The following ZDHHC7 variants were observed in gnomAD, a reference collection of about 807,000 sequenced individuals.
ZDHHC7 encodes palmitoyltransferase ZDHHC7.
In ZDHHC7, 12 loss-of-function variants were observed where a neutral mutation model predicts 34.1. The observed-to-expected ratio is 0.35, with a 90% CI of 0.23 to 0.57. The LOEUF is 0.57. Among genes scored for constraint, ZDHHC7 ranks in the 20% least tolerant of loss-of-function variants. The probability of loss-of-function intolerance (pLI) is 0.84; values close to 1 mark genes in which losing one functional copy is unlikely to be tolerated. For missense variants in ZDHHC7, 388 were observed against 402.7 expected (o/e 0.96, Z 0.31); for synonymous variants, 185 against 155.4 (o/e 1.19, Z -1.42).
At chr16:85,017,373 C>T in the ZDHHC7 span, among the ~76,000 whole-genome samples, 1 of 152,124 alleles carries the variant, frequency 6.6e-6, no homozygotes, top group Non-Finnish European at 1.5e-5. Context: ...GTTGGCCAAA[C>T]GCGGAACAAC....
chr16:84,987,060 G>T (rs1262930738), intron 3 of ZDHHC7, among the ~76,000 whole-genome samples: 2 of 152,218 alleles, frequency 1.3e-5, no homozygotes, highest in Non-Finnish European at 2.9e-5. Context: ...CAGCAGGAAA[G>T]CCAGGACTCA....
At chr16:85,009,155 A>G (rs1213090747) in intron 1 of ZDHHC7, among the ~76,000 whole-genome samples, 1 of 152,102 alleles carries the variant, frequency 6.6e-6, no homozygotes, top group Admixed American at 6.5e-5. Flanking sequence ...AAACTATTCA[A>G]TGTTCATCCC....
chr16:84,997,679 G>A (rs1833813780), intron 1 of ZDHHC7, among the ~76,000 whole-genome samples: 1 of 150,824 alleles, frequency 6.6e-6, no homozygotes, highest in African/African-American at 2.4e-5. Context: ...CGGATCACAA[G>A]GTCAGGAGAT....
chr16:85,027,512 C>T, the ZDHHC7 span, among the ~76,000 whole-genome samples: 27 of 152,344 alleles, frequency 1.8e-4, no homozygotes, highest in African/African-American at 6.0e-4. Context: ...TTGCACCGGG[C>T]CTGCCCCACC....
intron 1 of ZDHHC7, among the ~76,000 whole-genome samples, chr16:85,010,942 C>T (rs1311476986): frequency 2.6e-5 from 4 of 152,240 alleles, no homozygotes; most frequent in Non-Finnish European, 4.4e-5. Context: ...CTCTTTACAG[C>T]TTACACAGGG....
Position 84,977,906 on chromosome 16 carries a change from C to T in ZDHHC7, c.619+18G>A. The T allele has an allele frequency of 6.2e-7, 1 of 1,603,236 alleles. No individual in the cohort carries two copies. The highest frequency in any genetic ancestry group is 8.5e-7 in the Non-Finnish European group (1 of 1,171,848). ...ACAGCATGCAAAGCCAGGAATGACACATAGCCAGGGAACTTACCAGTCCAC... is the reference window on the plus strand; with the variant it reads ...ACAGCATGCAAAGCCAGGAATGACATATAGCCAGGGAACTTACCAGTCCAC... On this transcript the variant is annotated intron_variant, in intron 6 of 7. Transcript: ENST00000313732.
the ZDHHC7 span, among the ~76,000 whole-genome samples, chr16:85,024,952 C>G: frequency 6.6e-6 from 1 of 152,112 alleles, no homozygotes; most frequent in Non-Finnish European, 1.5e-5. Context: ...CAATATAAGC[C>G]TAGAGCTCTT....
intron 5 of ZDHHC7, 46 bp downstream of exon 5, chr16:84,979,143 A>C: frequency 6.4e-7 from 1 of 1,557,328 alleles, no homozygotes; most frequent in Non-Finnish European, 8.7e-7. Flanking sequence ...GCAGTTAAAG[A>C]ATTTCAAATT....
intron 1 of ZDHHC7, among the ~76,000 whole-genome samples, chr16:85,010,932 C>CT (rs1297648002): frequency 6.6e-6 from 1 of 152,238 alleles, no homozygotes; most frequent in Non-Finnish European, 1.5e-5. Context: ...TATTAAAAAA[C>CT]TCTTTACAGC....
At chr16:85,013,431 T>C (rs932090013), upstream of ZDHHC7, among the ~76,000 whole-genome samples, 7 of 152,018 alleles carry the variant, frequency 4.6e-5, no homozygotes, top group East Asian at 1.9e-4. Context: ...TTAGTAAAGA[T>C]AGGGTTTTGC....
chr16:84,997,474 T>C (rs1055689342), intron 1 of ZDHHC7, among the ~76,000 whole-genome samples: 2 of 150,448 alleles, frequency 1.3e-5, no homozygotes, highest in African/African-American at 4.9e-5. Flanking sequence ...GGTTTCACCA[T>C]GTTATCCAGA....
chr16:85,011,974 G>C (rs1471132585), upstream of ZDHHC7, among the ~76,000 whole-genome samples: 3 of 152,178 alleles, frequency 2.0e-5, no homozygotes, highest in Admixed American at 2.0e-4. Context: ...GGGGATTGGA[G>C]GCCTGACTCC....
At chr16:85,025,267 T>A in the ZDHHC7 span, among the ~76,000 whole-genome samples, 17 of 141,512 alleles carry the variant, frequency 1.2e-4, no homozygotes, top group South Asian at 2.0e-3. Flanking sequence ...TGAGATGATT[T>A]AAAAAAAAAA....
chr16:85,026,417 G>C, the ZDHHC7 span, among the ~76,000 whole-genome samples: 27 of 152,224 alleles, frequency 1.8e-4, no homozygotes, highest in African/African-American at 5.5e-4. Flanking sequence ...GACACCCTGA[G>C]TTCCAGCTTC....
At chr16:84,978,077 G>C (rs2072321582) in intron 5 of ZDHHC7, 72 bp from the exon 6 acceptor site, 2 of 1,262,508 alleles carry the variant, frequency 1.6e-6, no homozygotes, top group South Asian at 2.6e-5. Context: ...TCCCTCTGTT[G>C]TCCAGGCTGG....
chr16:85,013,521 G>A (rs537800361), upstream of ZDHHC7, among the ~76,000 whole-genome samples: 1 of 152,150 alleles, frequency 6.6e-6, no homozygotes, highest in South Asian at 2.1e-4. Flanking sequence ...GGGATTGTAG[G>A]CATGAGCCAC....
intron 3 of ZDHHC7, among the ~76,000 whole-genome samples, chr16:84,985,516 G>A (rs2072424955): frequency 6.6e-6 from 1 of 152,126 alleles, no homozygotes; most frequent in Non-Finnish European, 1.5e-5. Flanking sequence ...ACAAAGAACT[G>A]TGTTTCTTCA....
At position 84,988,517 on chromosome 16, in the gene ZDHHC7, C is replaced by T. The variant is rs143593453; in HGVS notation, c.315+1787G>A. 4.5e-3 allele frequency among the ~76,000 whole-genome samples: 678 copies of T among 152,324 alleles called. 3 individuals carry two copies. The highest frequency in any genetic ancestry group is 8.8e-3 in the Admixed American group (134 of 15,306). On this transcript the variant is annotated intron_variant, in intron 3 of 7. Coordinates refer to ENST00000313732, the MANE Select transcript of ZDHHC7 (RefSeq NM_017740.3). ...CAACAAGCAAAAGAAATCTGCCCAC[C>T]AGGGCGGCAGCACGCCCTGCACACA...
chr16:85,027,507 C>G, the ZDHHC7 span, among the ~76,000 whole-genome samples: 10 of 152,336 alleles, frequency 6.6e-5, no homozygotes, highest in East Asian at 1.9e-4. Flanking sequence ...CCTGTTTGCA[C>G]CGGGCCTGCC....
Sources: gnomAD v4.1 joint callset for allele counts (sites outside exome capture counted in the v4.1 genomes callset) on GRCh38, gnomAD v4.1.1 for gene constraint, MANE v1.5 for transcripts, NCBI Gene and HGNC (gene_info 2026-07-23, HGNC 2026-07-21) for gene names.